PRKCH: variants seen among roughly 807,000 people sequenced by gnomAD.
PRKCH encodes the protein protein kinase C eta type.
PRKCH carries 28 observed loss-of-function variants against 82.5 expected under a neutral mutation model. The observed-to-expected ratio is 0.34, with a 90% CI of 0.25 to 0.47. The LOEUF (loss-of-function observed/expected upper bound fraction) is 0.47, where lower values mean the gene tolerates loss of function less well. Ranked by LOEUF, PRKCH falls within the 20% of genes least tolerant of loss-of-function variation. PRKCH has a pLI of 1.00. For synonymous variants in PRKCH, 322 were observed against 327.4 expected, an observed-to-expected ratio of 0.98 and a Z score of 0.18; for missense variants, 705 against 881.8, an observed-to-expected ratio of 0.80 and a Z score of 2.54.
chr14:61,235,265 G>A (rs1594866204), intron 1 of PRKCH, among the ~76,000 whole-genome samples: 1 of 152,136 alleles, frequency 6.6e-6, no homozygotes, highest in Admixed American at 6.5e-5. Context: ...AAACCTAGAG[G>A]CTTTTAGCCC....
chr14:61,428,531 A>G (rs1883240944), intron 2 of PRKCH, among the ~76,000 whole-genome samples: 1 of 152,148 alleles, frequency 6.6e-6, no homozygotes. Context: ...CAAAGTGAAG[A>G]GCTTTCCTCT....
chr14:61,423,998 C>G (rs181541413), intron 2 of PRKCH, among the ~76,000 whole-genome samples: 1 of 152,062 alleles, frequency 6.6e-6, no homozygotes. Context: ...GGAATTCTCA[C>G]GAGAACTGAT....
At chr14:61,446,987 C>T (rs1410037814) in intron 4 of PRKCH, among the ~76,000 whole-genome samples, 1 of 152,218 alleles carries the variant, frequency 6.6e-6, no homozygotes, top group African/African-American at 2.4e-5. Flanking sequence ...GCAGGGAAGA[C>T]TATTAGTTAG....
chr14:61,327,318 A>G, intron 1 of PRKCH: 1 of 335,238 alleles, frequency 3.0e-6, no homozygotes, highest in Non-Finnish European at 5.9e-6. Flanking sequence ...TTTTCTATCT[A>G]GTGGTTCATT....
At chr14:61,227,390 G>A (rs577131961) in intron 1 of PRKCH, among the ~76,000 whole-genome samples, 3 of 152,226 alleles carry the variant, frequency 2.0e-5, no homozygotes, top group South Asian at 2.1e-4. Context: ...TCAGGAGATC[G>A]GGACCATCCT....
Position 61,280,922 on chromosome 14 carries a change from A to C in PRKCH, c.-19+93254A>C. On this transcript the variant is annotated intron_variant, in intron 1 of 3. Coordinates refer to the PRKCH transcript ENST00000555185. This position sits in a 1 kb window ranked among gnomAD's most constrained non-coding sequence, Gnocchi z 5.0. Reference sequence around the variant, plus strand: ...TGGCCAGCCGCGGCGCACACCGAGCAGTTACCGGTGCCCGGGTCGCCTGTA... The same window carrying C: ...TGGCCAGCCGCGGCGCACACCGAGCCGTTACCGGTGCCCGGGTCGCCTGTA... The C allele has an allele frequency of 6.5e-7, 1 of 1,544,666 alleles. No individual in the cohort carries two copies. Among genetic ancestry groups the C allele is most frequent in the Non-Finnish European group, 8.7e-7 (1 of 1,149,636 alleles).
rs746131739 is a variant in PRKCH at position 61,506,198 on chromosome 14, C to T, written c.1433+20542C>T. On this transcript the variant is annotated intron_variant, in intron 10 of 13. Transcript: ENST00000332981. ...CTTTGGAAACATTGAGCTATTCCTA[C>T]GCAGTTTGGATGACAGAAATACTGT... is the stretch of plus-strand genomic sequence containing the variant. Among the ~76,000 whole-genome samples, 24 of 152,196 alleles carry T rather than the reference C, an allele frequency of 1.6e-4. 1 individual carries two copies. The highest frequency in any genetic ancestry group is 3.6e-4 in the African/African-American group (15 of 41,408).
intron 1 of PRKCH, among the ~76,000 whole-genome samples, chr14:61,205,586 C>T (rs574235348): frequency 7.2e-5 from 11 of 152,312 alleles, no homozygotes; most frequent in African/African-American, 2.6e-4. Context: ...GTGAGCACTT[C>T]CTGCCGTGCT....
chr14:61,194,302 C>A (rs545366937), intron 1 of PRKCH, among the ~76,000 whole-genome samples: 27 of 152,322 alleles, frequency 1.8e-4, no homozygotes, highest in African/African-American at 5.8e-4. Flanking sequence ...TGAATATTTA[C>A]ATCACCTTCA....
At chr14:61,321,141 A>G (rs982053672), upstream of PRKCH, among the ~76,000 whole-genome samples, 2 of 152,210 alleles carry the variant, frequency 1.3e-5, no homozygotes, top group African/African-American at 4.8e-5. This position sits in a 1 kb window ranked among gnomAD's most constrained non-coding sequence, Gnocchi z 4.1. Flanking sequence ...ATCCCTGTAA[A>G]TATTAGGAAA....
rs1375857040 is a variant in PRKCH, at chr14:61,485,587, G to A, written c.1364G>A (p.Arg455Gln). 5 of 1,613,946 alleles carry A rather than the reference G, an allele frequency of 3.1e-6. No homozygotes were observed. Among genetic ancestry groups the A allele is most frequent in the Non-Finnish European group, 4.2e-6 (5 of 1,180,010 alleles). Residue 455 changes from arginine (R) to glutamine (Q), a missense_variant, in exon 10 of 14, where the codon CGA (arginine) becomes CAA (glutamine). Around this residue, in one of 5 missense-constraint regions of PRKCH, gnomAD observed 238 missense variants for 258.1 expected, o/e 0.92. Coordinates refer to ENST00000332981, the MANE Select transcript of PRKCH (RefSeq NM_006255.5). ...IQKSRRFDEA[R>Q]ARFYAAEIIS... Reference sequence around the variant, plus strand: ...AAGTCTCGTCGTTTTGATGAAGCACGAGCTCGCTTCTATGCTGCAGAAATC... The same window carrying A: ...AAGTCTCGTCGTTTTGATGAAGCACAAGCTCGCTTCTATGCTGCAGAAATC...
intron 2 of PRKCH, among the ~76,000 whole-genome samples, chr14:61,421,914 G>A (rs1356047692): frequency 6.6e-6 from 1 of 152,148 alleles, no homozygotes; most frequent in Admixed American, 6.5e-5. Context: ...TTTAGTGTGA[G>A]GTGGATGGGA....
chr14:61,410,971 G>C (rs1191446749), intron 2 of PRKCH, among the ~76,000 whole-genome samples: 3 of 152,234 alleles, frequency 2.0e-5, no homozygotes, highest in Non-Finnish European at 4.4e-5. Context: ...CAAAGGGACA[G>C]AAAGTATGAG....
intron 2 of PRKCH, chr14:61,442,893 G>T: frequency 2.3e-6 from 1 of 432,704 alleles, no homozygotes. Context: ...AGCCATGATT[G>T]AGCCACTGCA....
At chr14:61,263,877 G>A (rs201604097) in intron 1 of PRKCH, among the ~76,000 whole-genome samples, 5 of 146,868 alleles carry the variant, frequency 3.4e-5, no homozygotes, top group Admixed American at 3.4e-4. Flanking sequence ...GTGTGTGTGT[G>A]TGTGTGTGTG....
intron 1 of PRKCH, among the ~76,000 whole-genome samples, chr14:61,350,029 A>G (rs1360566803): frequency 6.6e-6 from 1 of 152,224 alleles, no homozygotes; most frequent in African/African-American, 2.4e-5. Context: ...ATACAGAGAA[A>G]TATGACAAGA....
At chr14:61,519,040 T>G (rs12147178) in intron 10 of PRKCH, among the ~76,000 whole-genome samples, 16,535 of 152,110 alleles carry the variant, frequency 0.11, 968 homozygotes, top group South Asian at 0.21. Flanking sequence ...CCCAGCTCTT[T>G]GGAAGGCTGA....
chr14:61,211,522 A>G (rs1352334501), intron 1 of PRKCH, among the ~76,000 whole-genome samples: 1 of 152,154 alleles, frequency 6.6e-6, no homozygotes, highest in Non-Finnish European at 1.5e-5. Flanking sequence ...ATTCTACACA[A>G]CATCTAGTAG....
At position 61,391,124 on chromosome 14, in the gene PRKCH, G is replaced by A. The variant is rs936936152; in HGVS notation, c.364-101G>A. 15 of 882,312 alleles carry A rather than the reference G, an allele frequency of 1.7e-5. No homozygotes were observed. In the South Asian group the frequency reaches 2.4e-4, roughly 14 times the overall value. 54.7% of individuals were successfully genotyped at this position (882,312 alleles called of 1,614,324 possible). On this transcript the variant is annotated intron_variant, in intron 1 of 13. Coordinates refer to ENST00000332981, the MANE Select transcript of PRKCH (RefSeq NM_006255.5). ...AAGACTTAGATTTATTTGATTTGTG[G>A]CTGTGATTTACACATTAGGCCTCTC...
Sources: gnomAD v4.1 joint callset for allele counts (sites outside exome capture counted in the v4.1 genomes callset) on GRCh38, gnomAD v4.1.1 for gene constraint, gnomAD v4.1.1 regional missense constraint, Gnocchi (gnomAD v3.1) non-coding constraint, MANE v1.5 for transcripts, NCBI Gene and HGNC (gene_info 2026-07-23, HGNC 2026-07-21) for gene names.